Variants in QTGAL observed in about 807,000 individuals in gnomAD.
QTGAL encodes the protein BGnT-like protein 1.
the QTGAL span, among the ~76,000 whole-genome samples, chr17:83,011,902 A>G: frequency 6.6e-6 from 1 of 151,862 alleles, no homozygotes; most frequent in Non-Finnish European, 1.5e-5. Flanking sequence ...AACTCCTGGT[A>G]TCCGTAAGTA....
chr17:82,973,284 T>C, the QTGAL span, among the ~76,000 whole-genome samples: 2 of 152,144 alleles, frequency 1.3e-5, no homozygotes, highest in East Asian at 3.8e-4. Context: ...ACTCTGAAGA[T>C]TGAAAACACC....
the QTGAL span, among the ~76,000 whole-genome samples, chr17:82,968,927 A>T: frequency 6.6e-6 from 1 of 152,056 alleles, no homozygotes; most frequent in Admixed American, 6.5e-5. Context: ...TGAGGTCAGA[A>T]GTTTGAGACC....
chr17:82,944,109 A>G, the QTGAL span: 5 of 152,270 alleles, frequency 3.3e-5, no homozygotes, highest in African/African-American at 1.2e-4. Context: ...TCTTAGTGCA[A>G]TTAAAAGAAG....
the QTGAL span, among the ~76,000 whole-genome samples, chr17:83,033,360 A>T: frequency 6.6e-6 from 1 of 152,148 alleles, no homozygotes; most frequent in Non-Finnish European, 1.5e-5. Flanking sequence ...GTTCTCAGAG[A>T]TGCCAAGAAG....
chr17:82,945,820 G>A, the QTGAL span: 1 of 152,236 alleles, frequency 6.6e-6, no homozygotes, highest in Non-Finnish European at 1.5e-5. Context: ...CACTGCTTTA[G>A]TGGATAAACT....
chr17:82,983,933 G>A, the QTGAL span, among the ~76,000 whole-genome samples: 7 of 151,754 alleles, frequency 4.6e-5, no homozygotes, highest in African/African-American at 1.5e-4. Context: ...AGAGACACCA[G>A]CAGTGAGCAC....
At chr17:82,994,271 G>A in the QTGAL span, among the ~76,000 whole-genome samples, 1 of 151,574 alleles carries the variant, frequency 6.6e-6, no homozygotes, top group Admixed American at 6.6e-5. Context: ...AACAAAAAAA[G>A]AGAGAACACC....
the QTGAL span, chr17:82,947,009 A>G: frequency 2.6e-6 from 4 of 1,548,476 alleles, no homozygotes; most frequent in Non-Finnish European, 3.5e-6. Flanking sequence ...GATTCAGCTC[A>G]GTCCGGTCTC....
At chr17:82,996,253 G>C in the QTGAL span, among the ~76,000 whole-genome samples, 1,462 of 152,328 alleles carry the variant, frequency 9.6e-3, 24 homozygotes, top group African/African-American at 0.034. Context: ...GCTGGGTGCA[G>C]TGGCTCATGC....
chr17:83,010,506 T>C, the QTGAL span, among the ~76,000 whole-genome samples: 3 of 152,188 alleles, frequency 2.0e-5, no homozygotes, highest in Non-Finnish European at 4.4e-5. Context: ...CCTTCCAGCT[T>C]GGGAAGTCAC....
At chr17:83,009,794 G>A in the QTGAL span, among the ~76,000 whole-genome samples, 1 of 152,098 alleles carries the variant, frequency 6.6e-6, no homozygotes, top group African/African-American at 2.4e-5. Flanking sequence ...CCCCTTCCCA[G>A]AAAGACACGT....
chr17:83,040,281 C>T, the QTGAL span, among the ~76,000 whole-genome samples: 1 of 152,210 alleles, frequency 6.6e-6, no homozygotes, highest in Middle Eastern at 3.2e-3. Flanking sequence ...GAAGCTGTGA[C>T]TCCTAAAATC....
chr17:83,051,600 A>T, the QTGAL span: 1 of 906,356 alleles, frequency 1.1e-6, no homozygotes, highest in Non-Finnish European at 1.5e-6. Flanking sequence ...AGGGCTGCTC[A>T]GGGCGGAGAC....
the QTGAL span, among the ~76,000 whole-genome samples, chr17:83,009,972 G>A: frequency 5.4e-4 from 80 of 148,430 alleles, no homozygotes; most frequent in Non-Finnish European, 9.6e-4. Flanking sequence ...GGGAGCTGTG[G>A]GGGAAGGGAG....
chr17:82,981,665 G>A, the QTGAL span: 114,096 of 152,204 alleles, frequency 0.75, 43,268 homozygotes, highest in African/African-American at 0.86. Flanking sequence ...GCATATGTTC[G>A]GAGCCACCTG....
chr17:83,035,098 G>A, the QTGAL span: 31 of 1,610,922 alleles, frequency 1.9e-5, no homozygotes, highest in African/African-American at 2.4e-4. Flanking sequence ...TAGCGTATCC[G>A]ACTGTGGAAA....
chr17:83,022,829 G>T, the QTGAL span, among the ~76,000 whole-genome samples: 3 of 12,422 alleles, frequency 2.4e-4, no homozygotes, highest in Non-Finnish European at 3.9e-4. Context: ...GAACTCACAT[G>T]AGCTTAGCAC....
At chr17:82,957,533 C>G in the QTGAL span, 1 of 1,568,782 alleles carries the variant, frequency 6.4e-7, no homozygotes, top group Non-Finnish European at 8.6e-7. Flanking sequence ...GCCGGAGGCC[C>G]CACAGATGCA....
the QTGAL span, chr17:83,048,512 T>G: frequency 6.2e-7 from 1 of 1,614,024 alleles, no homozygotes. Flanking sequence ...AATGATCACG[T>G]GGACACCAGA....
Sources: allele counts gnomAD v4.1 joint callset (sites outside exome capture counted in the v4.1 genomes callset), GRCh38; gene constraint gnomAD v4.1.1; transcripts MANE v1.5; gene names NCBI Gene and HGNC (gene_info 2026-07-23, HGNC 2026-07-21).